ABHD12: variants seen among roughly 807,000 people sequenced by gnomAD.
ABHD12 encodes abhydrolase domain containing 12, lysophospholipase.
Under a neutral mutation model 58.3 loss-of-function variants are expected in ABHD12, and 43 were observed. The ratio of observed to expected loss-of-function variants is 0.74; its 90% CI spans 0.58 to 0.95. ABHD12 has a LOEUF of 0.95. Ranked by LOEUF, ABHD12 falls within the 40% of genes least tolerant of loss-of-function variation. ABHD12 has a pLI of 0.00. For missense variants in ABHD12, 539 were observed against 537.2 expected, an observed-to-expected ratio of 1.00 and a Z score of -0.03; for synonymous variants, 219 against 211.2, an observed-to-expected ratio of 1.04 and a Z score of -0.32.
intron 2 of ABHD12, among the ~76,000 whole-genome samples, chr20:25,332,184 C>T (rs1455259027): frequency 2.0e-5 from 3 of 151,114 alleles, no homozygotes; most frequent in African/African-American, 7.3e-5. Flanking sequence ...GACTTTAAAC[C>T]AACAAAGATC....
chr20:25,328,493 A>G (rs2089213844), intron 2 of ABHD12, among the ~76,000 whole-genome samples: 1 of 152,200 alleles, frequency 6.6e-6, no homozygotes, highest in Non-Finnish European at 1.5e-5. Context: ...GGCACCACTG[A>G]GGGCCGAGGA....
chr20:25,389,534 G>C (rs2090140937), intron 1 of ABHD12, among the ~76,000 whole-genome samples: 1 of 152,166 alleles, frequency 6.6e-6, no homozygotes, highest in African/African-American at 2.4e-5. Context: ...AAGTAGCAAG[G>C]CTTCAAAGCT....
chr20:25,361,116 G>A (rs1036592688), intron 1 of ABHD12, among the ~76,000 whole-genome samples: 19 of 152,184 alleles, frequency 1.2e-4, no homozygotes, highest in African/African-American at 3.1e-4. Flanking sequence ...CACGCTAAGC[G>A]GCTGCTGAAC....
chr20:25,366,486 G>A (rs994250614), intron 1 of ABHD12, among the ~76,000 whole-genome samples: 2 of 152,000 alleles, frequency 1.3e-5, no homozygotes, highest in African/African-American at 4.8e-5. Flanking sequence ...GGCTGGTCTC[G>A]AACTCCCGAC....
Position 25,300,324 on chromosome 20 carries a change from G to C in ABHD12, c.*521C>G. The C allele has an allele frequency of 9.7e-7, 1 of 1,034,464 alleles. No homozygotes were observed. Among genetic ancestry groups the C allele is most frequent in the African/African-American group, 1.7e-5 (1 of 59,382 alleles). 64.1% of individuals were successfully genotyped at this position (1,034,464 alleles called of 1,614,324 possible). On this transcript the variant is annotated 3_prime_UTR_variant, in exon 13 of 13. Coordinates refer to ENST00000339157, the MANE Select transcript of ABHD12 (RefSeq NM_001042472.3). ...GATCCCGGGCACTTCCACTGTGGGT[G>C]AGTGGGCCAGCCCAGGGGAGGTGGG...
downstream of ABHD12, chr20:25,296,564 T>C (rs929115100): frequency 6.3e-7 from 1 of 1,578,718 alleles, no homozygotes; most frequent in African/African-American, 1.3e-5. Context: ...TTTGTTTTCT[T>C]GCTGACTTTG....
Position 25,323,426 on chromosome 20 carries a change from T to C in ABHD12, c.321A>G (p.Arg107=). The C allele has an allele frequency of 6.3e-7, 1 of 1,596,782 alleles. No homozygotes were observed. Among genetic ancestry groups the C allele is most frequent in the Non-Finnish European group, 8.6e-7 (1 of 1,164,200 alleles). Residue 107 remains arginine, a synonymous_variant, in exon 3 of 13, where the codon AGA becomes AGG. Transcript: ENST00000339157. ...TTTTCAAATCAATGAAATAGGGAACTCTTACTGTAGGAAATAAAGAGATGG... is the reference window on the plus strand; with the variant it reads ...TTTTCAAATCAATGAAATAGGGAACCCTTACTGTAGGAAATAAAGAGATGG... ...QAKLIFLNFV[R]VPYFIDLKKP...
chr20:25,312,861 C>T (rs1441229476), intron 6 of ABHD12, among the ~76,000 whole-genome samples: 2 of 150,416 alleles, frequency 1.3e-5, no homozygotes, highest in African/African-American at 4.9e-5. Context: ...AGCGTCTCCG[C>T]CCGGCAGCCG....
intron 2 of ABHD12, among the ~76,000 whole-genome samples, chr20:25,338,042 G>C (rs1169572295): frequency 6.6e-6 from 1 of 151,696 alleles, no homozygotes; most frequent in African/African-American, 2.4e-5. Flanking sequence ...TCTTCTTACC[G>C]GCATTAAAAA....
chr20:25,334,452 T>G (rs1342549292), intron 2 of ABHD12, among the ~76,000 whole-genome samples: 10 of 151,800 alleles, frequency 6.6e-5, no homozygotes, highest in Admixed American at 2.6e-4. Context: ...TGGAAAAAAC[T>G]ACTTTAAAGT....
At chr20:25,325,156 A>C (rs1164822834) in intron 2 of ABHD12, among the ~76,000 whole-genome samples, 1 of 145,186 alleles carries the variant, frequency 6.9e-6, no homozygotes, top group Non-Finnish European at 1.5e-5. Flanking sequence ...CAGTAAGCCA[A>C]GGTTGTACCA....
intron 2 of ABHD12, among the ~76,000 whole-genome samples, chr20:25,338,471 T>C (rs1400704465): frequency 6.6e-6 from 1 of 152,198 alleles, no homozygotes. Context: ...GATGCGGCCC[T>C]TTCCTTGGAG....
At chr20:25,319,875 A>G (rs2089033779) in intron 4 of ABHD12, among the ~76,000 whole-genome samples, 1 of 152,096 alleles carries the variant, frequency 6.6e-6, no homozygotes, top group Admixed American at 6.5e-5. Flanking sequence ...CTTCATCCCA[A>G]TCCAGGCTGC....
At chr20:25,317,998 G>A (rs59107453) in intron 4 of ABHD12, among the ~76,000 whole-genome samples, 3,142 of 152,298 alleles carry the variant, frequency 0.021, 99 homozygotes, top group African/African-American at 0.071. Context: ...TGAGATGGAG[G>A]AGGAAGCCAA....
chr20:25,337,221 A>G (rs984300198), intron 2 of ABHD12, among the ~76,000 whole-genome samples: 10 of 152,240 alleles, frequency 6.6e-5, no homozygotes, highest in Admixed American at 4.6e-4. Context: ...AGCCGTGATC[A>G]TACCCCTGCA....
intron 1 of ABHD12, chr20:25,339,877 G>T: frequency 1.3e-6 from 1 of 781,452 alleles, no homozygotes; most frequent in Non-Finnish European, 1.7e-6. Context: ...GTGTGTCCTT[G>T]CATTTACGCG....
Position 25,323,408 on chromosome 20 carries a change from ATC to A in ABHD12, c.337_338del (p.Asp113PhefsTer14), listed in dbSNP as rs387906217. ...LNFVRVPYFI[D>X]LKKPQDQGLN... ...AACCTTGATCCTGTGGTTTTTTCAA[ATC>A]AATGAAATAGGGAACTCTTACTGTA... On this transcript the variant is annotated frameshift_variant, in exon 3 of 13. Transcript: ENST00000339157. LOFTEE classifies it high-confidence loss of function. 6.8e-5 allele frequency: 109 copies of A among 1,611,666 alleles called. No homozygotes were observed. The highest frequency in any genetic ancestry group is 9.2e-5 in the Non-Finnish European group (108 of 1,177,856).
intron 1 of ABHD12, among the ~76,000 whole-genome samples, chr20:25,362,595 G>C (rs1427313624): frequency 6.8e-6 from 1 of 148,140 alleles, no homozygotes; most frequent in East Asian, 2.0e-4. Flanking sequence ...GGGGAGGACA[G>C]GGGAGGGGAG....
At chr20:25,319,967 G>T (rs896400251) in intron 4 of ABHD12, among the ~76,000 whole-genome samples, 3 of 152,206 alleles carry the variant, frequency 2.0e-5, no homozygotes, top group Non-Finnish European at 4.4e-5. Context: ...TCAGCCTGTG[G>T]GAACCCTGCT....
Sources: gnomAD v4.1 joint callset for allele counts (sites outside exome capture counted in the v4.1 genomes callset) on GRCh38, gnomAD v4.1.1 for gene constraint, MANE v1.5 for transcripts, NCBI Gene and HGNC (gene_info 2026-07-23, HGNC 2026-07-21) for gene names.